ITPA: variants seen among roughly 807,000 people sequenced by gnomAD.
ITPA encodes the protein inosine triphosphate pyrophosphatase.
ITPA carries 29 observed loss-of-function variants against 29.6 expected under a neutral mutation model. The observed-to-expected ratio is 0.98, with a 90% CI of 0.73 to 1.34. The LOEUF is 1.34. Ranked by LOEUF, ITPA falls within the 40% of genes most tolerant of loss-of-function variation. The probability of loss-of-function intolerance (pLI) is 0.00; values close to 1 mark genes in which losing one functional copy is unlikely to be tolerated. For missense variants in ITPA, 241 were observed against 251.5 expected, an observed-to-expected ratio of 0.96 and a Z score of 0.28; for synonymous variants, 103 against 99.3, an observed-to-expected ratio of 1.04 and a Z score of -0.22.
Position 3,213,336 on chromosome 20 carries a change from G to A in ITPA, c.142G>A (p.Glu48Lys). 1.9e-6 allele frequency: 3 copies of A among 1,614,122 alleles called. No individual in the cohort carries two copies. The highest frequency in any genetic ancestry group is 2.5e-6 in the Non-Finnish European group (3 of 1,180,012). Reference protein sequence around the residue: ...QKIDLPEYQGEPDEISIQKCQ... With the variant: ...QKIDLPEYQGKPDEISIQKCQ... ...CTGATAAGTGCCGGAGTACCAGGGG[G>A]AGCCGGATGAGATTTCCATACAGAA... is the stretch of plus-strand genomic sequence containing the variant. Residue 48 changes from glutamate to lysine, a missense_variant, in exon 3 of 8, where the codon GAG becomes AAG. Coordinates refer to ENST00000380113, the MANE Select transcript of ITPA (RefSeq NM_033453.4).
downstream of ITPA, among the ~76,000 whole-genome samples, chr20:3,226,491 C>A (rs181605933): frequency 2.3e-4 from 35 of 152,286 alleles, no homozygotes; most frequent in African/African-American, 8.2e-4. This position sits in a 1 kb window ranked among gnomAD's most constrained non-coding sequence, Gnocchi z 4.4. Context: ...CAGCACCAGG[C>A]TACCCAGTGT....
intron 7 of ITPA, among the ~76,000 whole-genome samples, chr20:3,222,980 C>G (rs1358510448): frequency 3.3e-5 from 5 of 152,200 alleles, no homozygotes; most frequent in Non-Finnish European, 7.3e-5. Context: ...GCCAGCTGTT[C>G]AAGTGCTCCC....
chr20:3,220,775 C>T (rs758883105), intron 6 of ITPA, among the ~76,000 whole-genome samples: 19 of 151,920 alleles, frequency 1.3e-4, no homozygotes, highest in Admixed American at 2.6e-4. Context: ...AGACTGGTCT[C>T]GAACTCCTGG....
chr20:3,216,785 G>A (rs7270134), intron 5 of ITPA, among the ~76,000 whole-genome samples: 17,842 of 151,446 alleles, frequency 0.12, 1,336 homozygotes, highest in Non-Finnish European at 0.16. Context: ...ACGGAGTTTC[G>A]CCATGTTGGC....
chr20:3,222,578 G>A (rs1424845780), intron 7 of ITPA, among the ~76,000 whole-genome samples: 1 of 152,174 alleles, frequency 6.6e-6, no homozygotes, highest in East Asian at 1.9e-4. Flanking sequence ...GGCTTTTGCA[G>A]CCTCTGGTGG....
chr20:3,220,218 C>A (rs527273425), intron 6 of ITPA, among the ~76,000 whole-genome samples: 3 of 152,086 alleles, frequency 2.0e-5, no homozygotes, highest in Non-Finnish European at 4.4e-5. Flanking sequence ...CCACCACACC[C>A]GGCTAATTTT....
Position 3,223,720 on chromosome 20 carries a change from T to C in ITPA, c.*258T>C. The C allele has an allele frequency of 3.6e-6, 2 of 557,548 alleles. No individual in the cohort carries two copies. The highest frequency in any genetic ancestry group is 3.1e-5 in the Admixed American group (1 of 32,714). 34.5% of individuals were successfully genotyped at this position (557,548 alleles called of 1,614,324 possible). A position where few individuals can be genotyped will look rare whatever the true frequency, so the allele number is the denominator to read the frequency against. On this transcript the variant is annotated 3_prime_UTR_variant, in exon 8 of 8. Coordinates refer to ENST00000380113, the MANE Select transcript of ITPA (RefSeq NM_033453.4). The stretch of plus-strand genomic sequence containing the variant: ...CCAGGCCTGGGGTCCTGAAAGGACC[T>C]TGGGTGGTAAAGCTGTACTTGGTGG...
rs766652238 is a variant in ITPA at position 3,213,994 on chromosome 20, C to A, written c.199C>A (p.Pro67Thr). 1 of 1,614,138 alleles carries A rather than the reference C, an allele frequency of 6.2e-7. No individual in the cohort carries two copies. ...CQEAVRQVQG[P>T]VLVEDTCLCF... ...TGTCTTTGTGCTGCAGGTACAGGGGCCCGTGCTGGTTGAGGACACTTGTCT... is the reference window on the plus strand; with the variant it reads ...TGTCTTTGTGCTGCAGGTACAGGGGACCGTGCTGGTTGAGGACACTTGTCT... Residue 67 changes from proline to threonine, a missense_variant, in exon 4 of 8, where the codon CCC becomes ACC. Pro to Thr is a conservative substitution (Grantham distance 38, BLOSUM62 -1). Transcript: ENST00000380113.
intron 6 of ITPA, among the ~76,000 whole-genome samples, chr20:3,219,677 G>A (rs556059896): frequency 3.3e-5 from 5 of 151,070 alleles, no homozygotes; most frequent in South Asian, 2.1e-4. Flanking sequence ...CCCAGGAGGC[G>A]GAGGTTGCAG....
At chr20:3,226,510 G>A (rs1364010958), downstream of ITPA, among the ~76,000 whole-genome samples, 4 of 152,148 alleles carry the variant, frequency 2.6e-5, no homozygotes, top group Non-Finnish European at 4.4e-5. The surrounding 1 kb of genome is among the most constrained non-coding windows in gnomAD (Gnocchi z 4.4). Flanking sequence ...GTAAGGTGGC[G>A]TCTCATGTGG....
At chr20:3,218,695 G>A (rs2067378683) in intron 6 of ITPA, 63 bp downstream of exon 6, 4 of 1,293,638 alleles carry the variant, frequency 3.1e-6, no homozygotes, top group Non-Finnish European at 4.5e-6. Flanking sequence ...GACCCGAGCC[G>A]ACCGCCCCGA....
Position 3,209,539 on chromosome 20 carries a change from A to G in ITPA, c.-13A>G. 5.6e-6 allele frequency: 9 copies of G among 1,613,748 alleles called. No homozygotes were observed. Among genetic ancestry groups the G allele is most frequent in the Non-Finnish European group, 7.6e-6 (9 of 1,179,728 alleles). On this transcript the variant is annotated 5_prime_UTR_variant, in exon 1 of 8. Transcript: ENST00000380113. This position sits in a 1 kb window ranked among gnomAD's most constrained non-coding sequence, Gnocchi z 4.6. The stretch of plus-strand genomic sequence containing the variant: ...GAGTTTTCGGTGGCTCAGCTGGGTA[A>G]CCGGGGATCACCATGGCGGCCTCAT...
chr20:3,213,487 C>T (rs749907162), intron 3 of ITPA, 104 bp downstream of exon 3: 129 of 1,406,862 alleles, frequency 9.2e-5, no homozygotes, highest in Non-Finnish European at 1.2e-4. Flanking sequence ...GTTGAGCTTT[C>T]TAGGACCGGC....
At chr20:3,216,860 C>T (rs1047265953) in intron 5 of ITPA, among the ~76,000 whole-genome samples, 46 of 152,116 alleles carry the variant, frequency 3.0e-4, no homozygotes, top group Non-Finnish European at 1.2e-4. Context: ...GCTGGGATTA[C>T]GGGCATGAGC....
At chr20:3,222,027 T>C in intron 7 of ITPA, 110 bp downstream of exon 7, 2 of 1,049,140 alleles carry the variant, frequency 1.9e-6, no homozygotes. Flanking sequence ...CAGGGGAGGC[T>C]CCCAGGGTGC....
chr20:3,220,043 C>CAA (rs745545920), intron 6 of ITPA, among the ~76,000 whole-genome samples: 10 of 58,090 alleles, frequency 1.7e-4, no homozygotes, highest in Non-Finnish European at 3.0e-4. Flanking sequence ...GACCCAGTCT[C>CAA]AAAAAAAAAA....
upstream of ITPA, chr20:3,209,455 G>A: frequency 2.5e-6 from 3 of 1,194,344 alleles, no homozygotes; most frequent in East Asian, 4.9e-5. The surrounding 1 kb of genome is among the most constrained non-coding windows in gnomAD (Gnocchi z 4.6). Context: ...ACCCCTGGCC[G>A]GAAACTGAGC....
intron 1 of ITPA, among the ~76,000 whole-genome samples, chr20:3,212,577 TC>T (rs1368519175): frequency 6.6e-6 from 1 of 152,154 alleles, no homozygotes; most frequent in African/African-American, 2.4e-5. Flanking sequence ...CACCTTGGCC[TC>T]CAAAAGTGCT....
intron 6 of ITPA, 74 bp downstream of exon 6, chr20:3,218,706 G>C (rs2067379325): frequency 1.7e-6 from 2 of 1,167,432 alleles, no homozygotes; most frequent in South Asian, 1.2e-5. Context: ...ACCGCCCCGA[G>C]TCTGCGGGAG....
Sources: allele counts gnomAD v4.1 joint callset (sites outside exome capture counted in the v4.1 genomes callset), GRCh38; gene constraint gnomAD v4.1.1; non-coding constraint Gnocchi (gnomAD v3.1); transcripts MANE v1.5; gene names NCBI Gene and HGNC (gene_info 2026-07-23, HGNC 2026-07-21).